Variants in TMEM273 observed in about 807,000 individuals in gnomAD.
TMEM273 encodes chromosome 10 open reading frame 128.
In TMEM273, 19 loss-of-function variants were observed where a neutral mutation model predicts 17.9. That is an observed-to-expected ratio of 1.06 (90% CI 0.74 to 1.55). The LOEUF is 1.55. Among genes scored for constraint, TMEM273 ranks in the 40% most tolerant of loss-of-function variants. The pLI is 0.00. For missense variants in TMEM273, 194 were observed against 155.6 expected (o/e 1.25, Z -1.31); for synonymous variants, 66 against 62.0 (o/e 1.07, Z -0.31).
At position 49,180,614 on chromosome 10, in the gene TMEM273, T is replaced by G. The variant is rs71500269; in HGVS notation, c.43+7680A>C. On this transcript the variant is annotated intron_variant, in intron 1 of 6. Coordinates refer to ENST00000374153, the MANE Select transcript of TMEM273 (RefSeq NM_001288740.3). ...AAAATGTTCAGGTTTCAGTGGAAAATTATTTGTCATAGCAAGAACCAGGAC... is the reference window on the plus strand; with the variant it reads ...AAAATGTTCAGGTTTCAGTGGAAAAGTATTTGTCATAGCAAGAACCAGGAC... Among the ~76,000 whole-genome samples, 749 of 152,158 alleles carry G rather than the reference T, an allele frequency of 4.9e-3. 3 individuals are homozygous for G. The highest frequency in any genetic ancestry group is 8.5e-3 in the Non-Finnish European group (578 of 68,002).
At chr10:49,175,903 C>T (rs1283130638) in intron 1 of TMEM273, among the ~76,000 whole-genome samples, 1 of 152,150 alleles carries the variant, frequency 6.6e-6, no homozygotes, top group East Asian at 1.9e-4. Flanking sequence ...GCCCCACAGC[C>T]GGACACCCAG....
intron 6 of TMEM273, among the ~76,000 whole-genome samples, chr10:49,159,870 C>T (rs961538147): frequency 6.6e-6 from 1 of 152,058 alleles, no homozygotes; most frequent in Non-Finnish European, 1.5e-5. Flanking sequence ...TGGGTTCTGT[C>T]TAAAGGGCAC....
chr10:49,187,236 T>C (rs1164391996), intron 1 of TMEM273, among the ~76,000 whole-genome samples: 1 of 152,174 alleles, frequency 6.6e-6, no homozygotes, highest in Non-Finnish European at 1.5e-5. Context: ...TCACAGTCAC[T>C]GCCAACGGCC....
intron 1 of TMEM273, among the ~76,000 whole-genome samples, chr10:49,184,670 T>G (rs1330521591): frequency 6.6e-6 from 1 of 152,188 alleles, no homozygotes; most frequent in African/African-American, 2.4e-5. Flanking sequence ...GGAACAGATA[T>G]GGCCACAACC....
intron 1 of TMEM273, among the ~76,000 whole-genome samples, chr10:49,170,908 C>G (rs1846524138): frequency 6.6e-6 from 1 of 152,250 alleles, no homozygotes; most frequent in Admixed American, 6.5e-5. Context: ...GCCTCCAGCA[C>G]TGGCTGATGT....
intron 1 of TMEM273, among the ~76,000 whole-genome samples, chr10:49,183,315 G>T (rs1232577523): frequency 6.6e-6 from 1 of 151,674 alleles, no homozygotes; most frequent in Non-Finnish European, 1.5e-5. Flanking sequence ...GAAACTCCAT[G>T]GTATACAAAA....
chr10:49,155,688 T>G lies in TMEM273; in HGVS notation c.*204A>C, dbSNP rs1230040212. The G allele has an allele frequency of 1.4e-6, 1 of 693,090 alleles. No homozygotes were observed. The highest frequency in any genetic ancestry group is 1.8e-5 in the African/African-American group (1 of 55,824). The allele number at this position is 693,090 out of a possible 1,614,324, so 42.9% of individuals were successfully genotyped here. A position where few individuals can be genotyped will look rare whatever the true frequency, so the allele number is the denominator to read the frequency against. ...TCAATCCTTCCTCTGTGCAGTCCGT[T>G]TCTTCCAGAAGAGGCATGATATTTT... On this transcript the variant is annotated 3_prime_UTR_variant, in exon 7 of 7. Transcript: ENST00000374153.
At chr10:49,158,346 T>G (rs1451581200) in intron 6 of TMEM273, among the ~76,000 whole-genome samples, 2 of 152,054 alleles carry the variant, frequency 1.3e-5, no homozygotes, top group Non-Finnish European at 2.9e-5. Context: ...TTTGCTTTGG[T>G]CTATACAAAA....
chr10:49,156,170 AAG>A, intron 6 of TMEM273: 1 of 1,510,112 alleles, frequency 6.6e-7, no homozygotes, highest in South Asian at 1.2e-5. Context: ...TGATGACAAA[AAG>A]AGAAGTCATT....
At chr10:49,178,384 G>A (rs1847132458) in intron 1 of TMEM273, 1 of 437,886 alleles carries the variant, frequency 2.3e-6, no homozygotes, top group Non-Finnish European at 4.6e-6. Context: ...CTAGAGCAAT[G>A]GCCCAGCAAG....
chr10:49,169,777 G>T (rs1239274282), intron 1 of TMEM273, among the ~76,000 whole-genome samples: 1 of 152,182 alleles, frequency 6.6e-6, no homozygotes, highest in Admixed American at 6.5e-5. Flanking sequence ...TGGGGCAAAG[G>T]CTTATATTCA....
chr10:49,168,121 A>T (rs896190020), intron 1 of TMEM273, among the ~76,000 whole-genome samples, 159 bp from the exon 2 acceptor site: 6 of 152,154 alleles, frequency 3.9e-5, no homozygotes, highest in Non-Finnish European at 7.4e-5. Context: ...TTGCTGAGAC[A>T]TCAGAGCTTC....
At chr10:49,156,115 G>C (rs1273532215) in intron 6 of TMEM273, 3 of 1,539,864 alleles carry the variant, frequency 1.9e-6, no homozygotes, top group Non-Finnish European at 2.6e-6. Flanking sequence ...CCTGGAAGTT[G>C]TTTTCTGCCT....
At chr10:49,159,038 G>A (rs1305118524) in intron 6 of TMEM273, among the ~76,000 whole-genome samples, 1 of 152,094 alleles carries the variant, frequency 6.6e-6, no homozygotes, top group Non-Finnish European at 1.5e-5. Flanking sequence ...ATTGAAAATA[G>A]CAACTTCAAA....
chr10:49,159,663 T>A (rs1468696213), intron 6 of TMEM273, among the ~76,000 whole-genome samples: 2 of 151,958 alleles, frequency 1.3e-5, no homozygotes, highest in Admixed American at 1.3e-4. Context: ...CAGATCTTAG[T>A]TTCTAAAAAT....
Position 49,188,314 on chromosome 10 carries a change from A to T in TMEM273, c.23T>A (p.Leu8Gln). 3 of 1,614,196 alleles carry T rather than the reference A, an allele frequency of 1.9e-6. No homozygotes were observed. Among genetic ancestry groups the T allele is most frequent in the Non-Finnish European group, 1.7e-6 (2 of 1,180,012 alleles). MNLGVSMLRILFLLDVGG... is the reference protein window; with the variant it reads MNLGVSMQRILFLLDVGG... ...CTTACCCAGGAGGAAGAGGATCCTCAGCATGCTGACCCCCAAGTTCATGCT... is the reference window on the plus strand; with the variant it reads ...CTTACCCAGGAGGAAGAGGATCCTCTGCATGCTGACCCCCAAGTTCATGCT... Residue 8 changes from leucine to glutamine, a missense_variant, in exon 1 of 7, where the codon CTG becomes CAG. Physicochemically the swap from Leu to Gln is moderately radical, Grantham distance 113. Coordinates refer to ENST00000374153, the MANE Select transcript of TMEM273 (RefSeq NM_001288740.3).
intron 1 of TMEM273, among the ~76,000 whole-genome samples, chr10:49,187,606 A>G (rs917909792): frequency 6.6e-6 from 1 of 151,478 alleles, no homozygotes; most frequent in African/African-American, 2.4e-5. Context: ...ATTTCTAACC[A>G]TCTCTCTATG....
At chr10:49,167,700 C>T (rs761905944) in intron 2 of TMEM273, among the ~76,000 whole-genome samples, 3 of 152,224 alleles carry the variant, frequency 2.0e-5, no homozygotes, top group Non-Finnish European at 4.4e-5. Flanking sequence ...TGAGGTATCA[C>T]GTCCCCTGTG....
At chr10:49,181,349 T>C (rs1437813769) in intron 1 of TMEM273, among the ~76,000 whole-genome samples, 2 of 152,194 alleles carry the variant, frequency 1.3e-5, no homozygotes, top group Non-Finnish European at 2.9e-5. Context: ...TTTTTGTAGA[T>C]GTACAAAAGA....
Sources: allele counts gnomAD v4.1 joint callset (sites outside exome capture counted in the v4.1 genomes callset), GRCh38; gene constraint gnomAD v4.1.1; transcripts MANE v1.5; gene names NCBI Gene and HGNC (gene_info 2026-07-23, HGNC 2026-07-21).